The following PARD3 variants were observed in gnomAD, a reference collection of about 807,000 sequenced individuals.
PARD3 encodes partitioning defective 3 homolog.
A neutral mutation model predicts 155.4 loss-of-function variants in PARD3; 75 were observed. The ratio of observed to expected loss-of-function variants is 0.48; its 90% CI spans 0.40 to 0.58. The LOEUF (loss-of-function observed/expected upper bound fraction) is 0.58, where lower values mean the gene tolerates loss of function less well. Among genes scored for constraint, PARD3 ranks in the 20% least tolerant of loss-of-function variants. The pLI, the probability that PARD3 is intolerant of heterozygous loss-of-function variation, is 0.00. For missense variants in PARD3, 1,642 were observed against 1,721.7 expected (o/e 0.95, Z 0.82); for synonymous variants, 576 against 610.5 (o/e 0.94, Z 0.83).
At chr10:34,544,145 T>C (rs1241075875) in intron 2 of PARD3, among the ~76,000 whole-genome samples, 2 of 152,218 alleles carry the variant, frequency 1.3e-5, no homozygotes, top group Admixed American at 1.3e-4. Flanking sequence ...CTAACTTTTC[T>C]TTTTGAATTC....
At chr10:34,228,782 C>T (rs1176531947) in intron 22 of PARD3, among the ~76,000 whole-genome samples, 1 of 152,046 alleles carries the variant, frequency 6.6e-6, no homozygotes, top group African/African-American at 2.4e-5. Flanking sequence ...AGACCCTGTG[C>T]TCCCAAATGC....
chr10:34,678,724 GT>G (rs2093757330), intron 2 of PARD3, among the ~76,000 whole-genome samples: 1 of 151,950 alleles, frequency 6.6e-6, no homozygotes, highest in Non-Finnish European at 1.5e-5. Flanking sequence ...AAACAAAAAT[GT>G]TCAAAAATTA....
chr10:34,599,204 T>C (rs2089557676), intron 2 of PARD3, among the ~76,000 whole-genome samples: 1 of 152,204 alleles, frequency 6.6e-6, no homozygotes, highest in Admixed American at 6.5e-5. Context: ...AGCGTAAGTA[T>C]GGCTTGGAAT....
chr10:34,435,620 A>T (rs2076148572), intron 5 of PARD3, among the ~76,000 whole-genome samples: 2 of 152,216 alleles, frequency 1.3e-5, no homozygotes, highest in Non-Finnish European at 2.9e-5. Context: ...AGTGAACCCG[A>T]GCAATCGAGA....
At chr10:34,466,048 G>A (rs2077988147) in intron 4 of PARD3, among the ~76,000 whole-genome samples, 1 of 152,048 alleles carries the variant, frequency 6.6e-6, no homozygotes, top group South Asian at 2.1e-4. Context: ...TGAAAATACA[G>A]CCTCTAGCAA....
At chr10:34,691,998 G>A (rs10400191) in intron 2 of PARD3, among the ~76,000 whole-genome samples, 59,510 of 152,018 alleles carry the variant, frequency 0.39, 12,562 homozygotes, top group African/African-American at 0.53. Context: ...TTTGGAGGCC[G>A]AGGCAGGTGG....
chr10:34,229,878 A>G (rs1343418441), intron 22 of PARD3, among the ~76,000 whole-genome samples: 1 of 152,074 alleles, frequency 6.6e-6, no homozygotes, highest in African/African-American at 2.4e-5. Flanking sequence ...TATTCATCCA[A>G]TTTGTGCATT....
At chr10:34,718,199 T>C (rs2133702216) in intron 1 of PARD3, among the ~76,000 whole-genome samples, 1 of 147,412 alleles carries the variant, frequency 6.8e-6, no homozygotes. Flanking sequence ...CATAGGTATA[T>C]GAAAAGGTCA....
intron 22 of PARD3, among the ~76,000 whole-genome samples, chr10:34,226,661 T>C (rs942488664): frequency 4.6e-5 from 7 of 152,264 alleles, no homozygotes; most frequent in Non-Finnish European, 1.0e-4. Flanking sequence ...AAAACCAGTG[T>C]GGCAATTTAT....
At chr10:34,624,761 C>T (rs1385918910) in intron 2 of PARD3, among the ~76,000 whole-genome samples, 1 of 152,228 alleles carries the variant, frequency 6.6e-6, no homozygotes, top group Non-Finnish European at 1.5e-5. Context: ...CTGCTCAGCC[C>T]GCTCTGATGT....
chr10:34,581,419 A>G (rs1435853287), intron 2 of PARD3, among the ~76,000 whole-genome samples: 5 of 151,648 alleles, frequency 3.3e-5, no homozygotes, highest in African/African-American at 7.3e-5. Context: ...TATTTTTAGT[A>G]GAGCTGGGGT....
At chr10:34,578,282 C>T (rs914317220) in intron 2 of PARD3, among the ~76,000 whole-genome samples, 2 of 152,130 alleles carry the variant, frequency 1.3e-5, no homozygotes, top group African/African-American at 4.8e-5. Context: ...CATCCTTAAG[C>T]CCATTTATGC....
chr10:34,302,554 T>C (rs1175761362), intron 20 of PARD3, among the ~76,000 whole-genome samples: 1 of 152,194 alleles, frequency 6.6e-6, no homozygotes, highest in Non-Finnish European at 1.5e-5. Context: ...CACTACCCTA[T>C]GCTGCTGCTC....
In PARD3 at chr10:34,611,411, A is replaced by G. The variant is rs539161191; in HGVS notation, c.222+84907T>C. On this transcript the variant is annotated intron_variant, in intron 2 of 24. Transcript: ENST00000374788. ...CCTAACCATGTACTATCCGAACTGG[A>G]AGGCAGAACAGATCAAAACCAAACC... Among the ~76,000 whole-genome samples, 61 of 152,290 alleles carry G rather than the reference A, an allele frequency of 4.0e-4. No individual in the cohort carries two copies. In the South Asian group the frequency reaches 0.013, roughly 32 times the overall value.
chr10:34,733,734 AGGTGATCCGCT>A (rs1421181926), intron 1 of PARD3, among the ~76,000 whole-genome samples: 7 of 152,256 alleles, frequency 4.6e-5, no homozygotes, highest in Non-Finnish European at 1.0e-4. Flanking sequence ...TCCTGACCTC[AGGTGATCCGCT>A]GGTGTTGGCC....
intron 5 of PARD3, among the ~76,000 whole-genome samples, chr10:34,446,855 A>G (rs2076764367): frequency 6.6e-6 from 1 of 152,238 alleles, no homozygotes; most frequent in South Asian, 2.1e-4. Flanking sequence ...TCTTTATACC[A>G]TAAAACATAG....
At position 34,432,041 on chromosome 10, in the gene PARD3, CAAAAAAAAAAAAA is replaced by C. The variant is rs142848273; in HGVS notation, c.714+18263_714+18275del. On this transcript the variant is annotated intron_variant, in intron 5 of 24. Coordinates refer to ENST00000374788, the MANE Select transcript of PARD3 (RefSeq NM_001184785.2). ...TGGGCTACAGAGTGAGACTCTGTCT[CAAAAAAAAAAAAA>C]AAAAAAAAAAAAAAAAAGAATGCAG... Among the ~76,000 whole-genome samples, 289 of 21,598 alleles carry C rather than the reference CAAAAAAAAAAAAA, an allele frequency of 0.013. 10 individuals are homozygous for C. In the Middle Eastern group the frequency reaches 0.2, roughly 15 times the overall value. 14.2% of individuals were successfully genotyped at this position (21,598 alleles called of 152,430 possible). A position where few individuals can be genotyped will look rare whatever the true frequency, so the allele number is the denominator to read the frequency against.
chr10:34,639,288 C>T (rs573240074), intron 2 of PARD3, among the ~76,000 whole-genome samples: 18 of 151,834 alleles, frequency 1.2e-4, no homozygotes, highest in African/African-American at 4.4e-4. Flanking sequence ...CCCAGCTACT[C>T]GGGAGGCTGA....
chr10:34,400,673 G>A (rs938049764), intron 6 of PARD3, among the ~76,000 whole-genome samples: 9 of 152,180 alleles, frequency 5.9e-5, no homozygotes, highest in Admixed American at 5.2e-4. Flanking sequence ...AAAACCTGAA[G>A]TTATCCTATG....
Sources: gnomAD v4.1 joint callset for allele counts (sites outside exome capture counted in the v4.1 genomes callset) on GRCh38, gnomAD v4.1.1 for gene constraint, MANE v1.5 for transcripts, NCBI Gene and HGNC (gene_info 2026-07-23, HGNC 2026-07-21) for gene names.